The following CNTN4 variants were observed in gnomAD, a reference collection of about 807,000 sequenced individuals.
CNTN4 encodes contactin 4.
Under a neutral mutation model 122.5 loss-of-function variants are expected in CNTN4, and 77 were observed. The ratio of observed to expected loss-of-function variants is 0.63; its 90% CI spans 0.52 to 0.76. CNTN4 has a LOEUF of 0.76. CNTN4 is among the 30% of genes least tolerant of loss of function. The probability of loss-of-function intolerance (pLI) is 0.00; values close to 1 mark genes in which losing one functional copy is unlikely to be tolerated. For missense variants in CNTN4, 1,256 were observed against 1,259.1 expected, an observed-to-expected ratio of 1.00 and a Z score of 0.04; for synonymous variants, 512 against 447.0, an observed-to-expected ratio of 1.15 and a Z score of -1.83.
At chr3:2,300,660 C>T (rs2042473534) in intron 2 of CNTN4, among the ~76,000 whole-genome samples, 1 of 149,160 alleles carries the variant, frequency 6.7e-6, no homozygotes, top group African/African-American at 2.5e-5. Context: ...CAACCTCTGC[C>T]TCCCGGGTTC....
chr3:3,033,259 A>T (rs1435504833), intron 16 of CNTN4, among the ~76,000 whole-genome samples: 1 of 152,216 alleles, frequency 6.6e-6, no homozygotes, highest in African/African-American at 2.4e-5. Context: ...AGCTCTATCT[A>T]GGTGACATTA....
rs931566008 is a variant in CNTN4 at position 2,816,210 on chromosome 3, C to T, written c.359-3276C>T. Among the ~76,000 whole-genome samples, 520 of 147,418 alleles carry T rather than the reference C, an allele frequency of 3.5e-3. 8 individuals carry two copies. The highest frequency in any genetic ancestry group is 0.013 in the African/African-American group (490 of 37,716). ...TCTACTAAAAATACAAAAAATTAGC[C>T]GGGCGTGGTGGCGGGCGCCTGTAGT... On this transcript the variant is annotated intron_variant, in intron 6 of 24. Transcript: ENST00000418658.
chr3:2,604,153 A>G (rs184844695), intron 4 of CNTN4, among the ~76,000 whole-genome samples: 4 of 152,338 alleles, frequency 2.6e-5, no homozygotes, highest in South Asian at 4.1e-4. Context: ...GGATTCTACC[A>G]TATATCCAGA....
At chr3:2,982,414 G>T (rs1274103406) in intron 13 of CNTN4, among the ~76,000 whole-genome samples, 1 of 152,102 alleles carries the variant, frequency 6.6e-6, no homozygotes, top group African/African-American at 2.4e-5. Context: ...TATAACTGGG[G>T]CGTCCAAGGT....
intron 3 of CNTN4, among the ~76,000 whole-genome samples, chr3:2,342,240 G>T (rs1271998003): frequency 6.6e-6 from 1 of 151,996 alleles, no homozygotes; most frequent in Non-Finnish European, 1.5e-5. Flanking sequence ...TCATAGGCTT[G>T]GGTCATGTTA....
At chr3:2,589,767 C>G (rs943856420) in intron 4 of CNTN4, among the ~76,000 whole-genome samples, 1 of 152,180 alleles carries the variant, frequency 6.6e-6, no homozygotes, top group Non-Finnish European at 1.5e-5. Flanking sequence ...ATGTGACTGG[C>G]AGGCTCATGC....
At chr3:2,487,229 A>C (rs1318502097) in intron 3 of CNTN4, among the ~76,000 whole-genome samples, 1 of 152,196 alleles carries the variant, frequency 6.6e-6, no homozygotes, top group Non-Finnish European at 1.5e-5. Context: ...TAAACATATC[A>C]TTTCTGACCT....
intron 3 of CNTN4, among the ~76,000 whole-genome samples, chr3:2,402,901 A>C (rs572678704): frequency 6.6e-6 from 1 of 152,150 alleles, no homozygotes; most frequent in South Asian, 2.1e-4. Context: ...TGTGTATCTC[A>C]TCTTTTGAAG....
chr3:2,834,934 T>C (rs1241029690), intron 7 of CNTN4, among the ~76,000 whole-genome samples: 5 of 131,052 alleles, frequency 3.8e-5, no homozygotes, highest in Admixed American at 3.6e-4. Context: ...AGACTGAGTC[T>C]CTCTCTGTCG....
At chr3:2,503,399 T>C (rs2076648225) in intron 3 of CNTN4, among the ~76,000 whole-genome samples, 1 of 152,184 alleles carries the variant, frequency 6.6e-6, no homozygotes, top group Non-Finnish European at 1.5e-5. Context: ...AATTTTATAA[T>C]AAATGGTTGG....
intron 3 of CNTN4, among the ~76,000 whole-genome samples, chr3:2,398,150 T>G (rs1055613565): frequency 3.3e-5 from 5 of 152,134 alleles, no homozygotes; most frequent in African/African-American, 1.2e-4. Flanking sequence ...TGTGATATAT[T>G]AGCATTTGAA....
chr3:2,833,856 T>G (rs2093156626), intron 7 of CNTN4, among the ~76,000 whole-genome samples: 1 of 152,192 alleles, frequency 6.6e-6, no homozygotes, highest in Non-Finnish European at 1.5e-5. Flanking sequence ...TATAAACAAC[T>G]GGGCTGGGCG....
At chr3:2,945,449 T>G (rs2094666280) in intron 13 of CNTN4, among the ~76,000 whole-genome samples, 1 of 152,190 alleles carries the variant, frequency 6.6e-6, no homozygotes, top group Non-Finnish European at 1.5e-5. Flanking sequence ...AGTATCCCCA[T>G]TTTTAGCCTT....
intron 6 of CNTN4, among the ~76,000 whole-genome samples, chr3:2,794,193 T>C (rs570899468): frequency 2.0e-5 from 3 of 152,314 alleles, no homozygotes; most frequent in African/African-American, 7.2e-5. Flanking sequence ...AATTAAATCA[T>C]GAAAGAAATG....
intron 6 of CNTN4, among the ~76,000 whole-genome samples, chr3:2,790,436 C>A (rs181624165): frequency 1.3e-5 from 2 of 152,144 alleles, no homozygotes; most frequent in East Asian, 3.9e-4. Flanking sequence ...CAGGGATAGT[C>A]GTTTCACAAG....
chr3:2,975,501 A>G (rs1011200485), intron 13 of CNTN4, among the ~76,000 whole-genome samples: 1 of 152,228 alleles, frequency 6.6e-6, no homozygotes, highest in Admixed American at 6.5e-5. Flanking sequence ...GAGATAATCA[A>G]TGCAAGCAGC....
At chr3:2,165,770 G>C (rs1237784626) in intron 2 of CNTN4, among the ~76,000 whole-genome samples, 1 of 151,834 alleles carries the variant, frequency 6.6e-6, no homozygotes, top group African/African-American at 2.4e-5. Context: ...CCACATATAA[G>C]TGAGATCACG....
intron 4 of CNTN4, among the ~76,000 whole-genome samples, chr3:2,729,490 G>C (rs1369111650): frequency 7.2e-6 from 1 of 139,022 alleles, no homozygotes; most frequent in African/African-American, 2.7e-5. Flanking sequence ...GTTGCAGTGA[G>C]CCGAGATCGT....
chr3:2,155,882 A>G (rs1461366232), intron 2 of CNTN4, among the ~76,000 whole-genome samples: 2 of 152,072 alleles, frequency 1.3e-5, no homozygotes, highest in Non-Finnish European at 2.9e-5. Flanking sequence ...CACCTTCTTG[A>G]CCCTCCAGCC....
Sources: allele counts gnomAD v4.1 joint callset (sites outside exome capture counted in the v4.1 genomes callset), GRCh38; gene constraint gnomAD v4.1.1; transcripts MANE v1.5; gene names NCBI Gene and HGNC (gene_info 2026-07-23, HGNC 2026-07-21).